Variants in LRRC8D observed in about 807,000 individuals in gnomAD.
LRRC8D encodes volume-regulated anion channel subunit LRRC8D.
LRRC8D carries 20 observed loss-of-function variants against 55.8 expected under a neutral mutation model. That is an observed-to-expected ratio of 0.36 (90% CI 0.25 to 0.52). LRRC8D has a LOEUF of 0.52. Among genes scored for constraint, LRRC8D ranks in the 20% least tolerant of loss-of-function variants. LRRC8D has a pLI of 0.93. For synonymous variants in LRRC8D, 352 were observed against 377.0 expected (o/e 0.93, Z 0.77); for missense variants, 651 against 1,030.8 (o/e 0.63, Z 5.05).
chr1:89,861,605 G>T lies in LRRC8D; in HGVS notation c.-3+17823G>T, dbSNP rs115869312. Among the ~76,000 whole-genome samples the T allele has an allele frequency of 2.6e-3, 393 of 152,326 alleles. 1 individual carries two copies. The highest frequency in any genetic ancestry group is 9.0e-3 in the African/African-American group (374 of 41,568). On this transcript the variant is annotated intron_variant, in intron 2 of 2. Coordinates refer to ENST00000337338, the MANE Select transcript of LRRC8D (RefSeq NM_001134479.2). The stretch of plus-strand genomic sequence containing the variant: ...TCACATATCTGGACAAGTCAGCGAA[G>T]AGGTATTGGTCCTCTGTATCCTTTG...
At chr1:89,869,806 C>T (rs979852768) in intron 2 of LRRC8D, among the ~76,000 whole-genome samples, 6 of 152,306 alleles carry the variant, frequency 3.9e-5, no homozygotes, top group African/African-American at 1.2e-4. Flanking sequence ...CAATATTCAA[C>T]ATTCTTAAAT....
chr1:89,825,614 T>A (rs1570797319), intron 1 of LRRC8D, among the ~76,000 whole-genome samples: 1 of 152,340 alleles, frequency 6.6e-6, no homozygotes, highest in East Asian at 1.9e-4. Flanking sequence ...CAGCCTTATA[T>A]TTAGAGAAGG....
intron 2 of LRRC8D, among the ~76,000 whole-genome samples, chr1:89,872,056 A>G (rs902567783): frequency 1.3e-5 from 2 of 152,204 alleles, no homozygotes; most frequent in African/African-American, 4.8e-5. Context: ...ATCTCTGGCA[A>G]AGTTTCACAC....
intron 1 of LRRC8D, among the ~76,000 whole-genome samples, chr1:89,833,931 C>G (rs1036513805): frequency 7.2e-5 from 11 of 152,134 alleles, no homozygotes; most frequent in African/African-American, 2.7e-4. Flanking sequence ...ACTTTGGGCT[C>G]TCTTCCAGTT....
At chr1:89,927,756 C>T (rs1373247525) in intron 2 of LRRC8D, among the ~76,000 whole-genome samples, 1 of 152,170 alleles carries the variant, frequency 6.6e-6, no homozygotes, top group Non-Finnish European at 1.5e-5. Context: ...TAATTTCATA[C>T]ATTTGGAAAT....
At chr1:89,821,874 C>T (rs1660642624) in intron 1 of LRRC8D, 2 of 152,020 alleles carry the variant, frequency 1.3e-5, no homozygotes, top group Admixed American at 6.5e-5. Flanking sequence ...TGGGGGCCCG[C>T]AGGTGCACCC....
chr1:89,888,710 A>G (rs1662485950), intron 2 of LRRC8D, among the ~76,000 whole-genome samples: 1 of 152,218 alleles, frequency 6.6e-6, no homozygotes, highest in South Asian at 2.1e-4. Context: ...AGCATCTTGT[A>G]GTGCTGGAAA....
chr1:89,914,997 C>A lies in LRRC8D; in HGVS notation c.-2-18070C>A, dbSNP rs1663224645. Among the ~76,000 whole-genome samples, 3 of 151,350 alleles carry A rather than the reference C, an allele frequency of 2.0e-5. No individual in the cohort carries two copies. In the South Asian group the frequency reaches 6.3e-4, roughly 32 times the overall value. On this transcript the variant is annotated intron_variant, in intron 2 of 2. Coordinates refer to ENST00000337338, the MANE Select transcript of LRRC8D (RefSeq NM_001134479.2). Reference sequence around the variant, plus strand: ...TCTTTAAGCTCTTGGAGGGCAAGGACTCTATCTATCTTGCTCTACTGTGTG... The same window carrying A: ...TCTTTAAGCTCTTGGAGGGCAAGGAATCTATCTATCTTGCTCTACTGTGTG...
intron 2 of LRRC8D, among the ~76,000 whole-genome samples, chr1:89,918,227 G>C (rs2802026): frequency 0.023 from 3,560 of 152,212 alleles, 165 homozygotes; most frequent in African/African-American, 0.082. Context: ...AGTACCAGGT[G>C]GTAAAGATGA....
intron 2 of LRRC8D, among the ~76,000 whole-genome samples, chr1:89,920,775 A>G (rs988666617): frequency 2.7e-5 from 4 of 148,708 alleles, no homozygotes; most frequent in African/African-American, 9.9e-5. Context: ...CTTTAACTGT[A>G]TAAATTTTTG....
intron 2 of LRRC8D, among the ~76,000 whole-genome samples, chr1:89,900,523 A>AG (rs1314815471): frequency 6.6e-6 from 1 of 151,174 alleles, no homozygotes; most frequent in East Asian, 1.9e-4. Flanking sequence ...ATAAAAAAAA[A>AG]AACTGACTAA....
At chr1:89,870,894 G>A (rs1368665261) in intron 2 of LRRC8D, among the ~76,000 whole-genome samples, 1 of 152,124 alleles carries the variant, frequency 6.6e-6, no homozygotes, top group East Asian at 1.9e-4. Flanking sequence ...ATAGCATTGT[G>A]GGCATTTTAT....
intron 2 of LRRC8D, among the ~76,000 whole-genome samples, chr1:89,869,678 T>G (rs187769517): frequency 2.2e-4 from 33 of 151,406 alleles, no homozygotes; most frequent in African/African-American, 8.0e-4. Context: ...AAGGCAGAAA[T>G]GAAGGAAAAA....
intron 2 of LRRC8D, among the ~76,000 whole-genome samples, chr1:89,865,750 A>G (rs1404934940): frequency 1.3e-5 from 2 of 152,196 alleles, no homozygotes; most frequent in African/African-American, 4.8e-5. Flanking sequence ...AGAGCTGTAA[A>G]TGTCCTGTTC....
chr1:89,827,277 G>A (rs147333953), intron 1 of LRRC8D, among the ~76,000 whole-genome samples: 74 of 148,576 alleles, frequency 5.0e-4, no homozygotes, highest in South Asian at 1.7e-3. Flanking sequence ...TTGAACTCAA[G>A]AGGCGGAGTT....
intron 1 of LRRC8D, among the ~76,000 whole-genome samples, chr1:89,828,163 T>G (rs1413963614): frequency 6.6e-6 from 1 of 152,160 alleles, no homozygotes; most frequent in Non-Finnish European, 1.5e-5. Flanking sequence ...AAGCCCATCA[T>G]TGGTTATTAA....
chr1:89,892,618 A>G (rs1234988181), intron 2 of LRRC8D, among the ~76,000 whole-genome samples: 3 of 151,912 alleles, frequency 2.0e-5, no homozygotes, highest in Non-Finnish European at 4.4e-5. Context: ...TCCTGGGTTC[A>G]CGCCATTTTC....
intron 2 of LRRC8D, among the ~76,000 whole-genome samples, chr1:89,898,024 C>T (rs1438501243): frequency 6.6e-6 from 1 of 152,174 alleles, no homozygotes; most frequent in Non-Finnish European, 1.5e-5. Context: ...CATACTCGCT[C>T]CTAAGCAGCT....
In LRRC8D at chr1:89,934,576, C is replaced by A; in HGVS notation, c.1508C>A (p.Ala503Asp). The A allele has an allele frequency of 6.2e-7, 1 of 1,614,162 alleles. No homozygotes were observed. The highest frequency in any genetic ancestry group is 8.5e-7 in the Non-Finnish European group (1 of 1,180,034). ...DVLKLELIPE[A>D]KIPAKISQMT... ...CTAAAGCTTGAACTAATTCCAGAAG[C>A]TAAAATTCCTGCTAAGATTTCTCAA... The change falls in exon 3 of 3, where the codon GCT (alanine) becomes GAT (aspartate). Residue 503 changes from alanine to aspartate, a missense_variant. Ala to Asp is a moderately radical substitution (Grantham distance 126, BLOSUM62 -2). Around this residue, in one of 5 missense-constraint regions of LRRC8D, gnomAD observed 338 missense variants for 479.4 expected, o/e 0.71. Coordinates refer to ENST00000337338, the MANE Select transcript of LRRC8D (RefSeq NM_001134479.2). This position sits in a 1 kb window ranked among gnomAD's most constrained non-coding sequence, Gnocchi z 5.9.
Sources: gnomAD v4.1 joint callset for allele counts (sites outside exome capture counted in the v4.1 genomes callset) on GRCh38, gnomAD v4.1.1 for gene constraint, gnomAD v4.1.1 regional missense constraint, Gnocchi (gnomAD v3.1) non-coding constraint, MANE v1.5 for transcripts, NCBI Gene and HGNC (gene_info 2026-07-23, HGNC 2026-07-21) for gene names.